The following KIF5C variants were observed in gnomAD, a reference collection of about 807,000 sequenced individuals.
KIF5C encodes the protein kinesin family member 5C, also known as kinesin heavy chain isoform 5C.
In KIF5C, 18 loss-of-function variants were observed where a neutral mutation model predicts 125.2. The observed-to-expected ratio is 0.14, with a 90% CI of 0.10 to 0.21. KIF5C has a LOEUF of 0.21. Ranked by LOEUF, KIF5C falls within the 10% of genes least tolerant of loss-of-function variation. The pLI is 1.00. For missense variants in KIF5C, 780 were observed against 1,183.8 expected, an observed-to-expected ratio of 0.66 and a Z score of 5.01; for synonymous variants, 405 against 434.0, an observed-to-expected ratio of 0.93 and a Z score of 0.83.
chr2:149,011,105 T>C (rs1303035005), intron 24 of KIF5C, among the ~76,000 whole-genome samples: 1 of 152,156 alleles, frequency 6.6e-6, no homozygotes, highest in African/African-American at 2.4e-5. Context: ...TTCACGTTTC[T>C]AGTTTTAAAT....
intron 16 of KIF5C, 123 bp downstream of exon 16, chr2:148,991,321 C>T: frequency 7.0e-7 from 1 of 1,426,986 alleles, no homozygotes; most frequent in Non-Finnish European, 9.2e-7. Flanking sequence ...GTAAGCTTGG[C>T]CTCCCCAGGT....
At chr2:148,948,010 G>A in intron 8 of KIF5C, 1 of 456,582 alleles carries the variant, frequency 2.2e-6, no homozygotes, top group South Asian at 1.5e-5. Context: ...TGTAAAACCT[G>A]AGCAGAAAGT....
intron 1 of KIF5C, among the ~76,000 whole-genome samples, chr2:148,907,657 G>A (rs1253727514): frequency 6.6e-6 from 1 of 152,226 alleles, no homozygotes; most frequent in Non-Finnish European, 1.5e-5. Flanking sequence ...TCCAGCCTGT[G>A]GGCATCAGGG....
rs149475724 is a variant in KIF5C, at chr2:149,010,580, C to T, written c.2767+229C>T. Among the ~76,000 whole-genome samples the T allele has an allele frequency of 7.9e-5, 12 of 152,368 alleles. No homozygotes were observed. In the East Asian group the frequency reaches 2.3e-3, roughly 29 times the overall value. On this transcript the variant is annotated intron_variant, in intron 24 of 25. Transcript: ENST00000435030. ...GATATTCCAGCATACATCGTGGTCTCAAAACTTCTGAGCTGGGCAGAGAGA... is the reference window on the plus strand; with the variant it reads ...GATATTCCAGCATACATCGTGGTCTTAAAACTTCTGAGCTGGGCAGAGAGA...
At position 148,998,524 on chromosome 2, in the gene KIF5C, G is replaced by T. The variant is rs1184070930; in HGVS notation, c.2210+15G>T. On this transcript the variant is annotated intron_variant, in intron 19 of 25. Coordinates refer to ENST00000435030, the MANE Select transcript of KIF5C (RefSeq NM_004522.3). ...GAGATTCGGGAGTGAGTCGGCCCAG[G>T]GCACCAGGGGTGTGGGGGTGGTCAT... 6.4e-7 allele frequency: 1 copy of T among 1,552,174 alleles called. No homozygotes were observed. The highest frequency in any genetic ancestry group is 2.0e-5 in the Admixed American group (1 of 51,040).
chr2:149,004,554 A>G (rs1366094219), intron 21 of KIF5C, among the ~76,000 whole-genome samples: 1 of 152,216 alleles, frequency 6.6e-6, no homozygotes, highest in Non-Finnish European at 1.5e-5. Flanking sequence ...GTAGAAAATA[A>G]TCCAAAATGA....
Position 148,949,906 on chromosome 2 carries a change from C to A in KIF5C, c.782C>A (p.Ala261Asp). Residue 261 changes from alanine (A) to aspartate (D), a missense_variant, in exon 9 of 26, where the codon GCT becomes GAT. By Grantham distance (126) the Ala-to-Asp change is moderately radical. Coordinates refer to ENST00000435030, the MANE Select transcript of KIF5C (RefSeq NM_004522.3). ...AAAAATATCAATAAGTCTTTGTCTG[C>A]TCTTGGAAATGTGATCTCTGCTTTG... ...EAKNINKSLS[A>D]LGNVISALAE... The A allele has an allele frequency of 6.2e-7, 1 of 1,613,814 alleles. No homozygotes were observed.
intron 2 of KIF5C, among the ~76,000 whole-genome samples, chr2:148,929,016 G>A (rs866696112): frequency 6.6e-6 from 1 of 152,144 alleles, no homozygotes; most frequent in Non-Finnish European, 1.5e-5. Context: ...TTTTCTGCTC[G>A]ATGTCTCTAT....
intron 4 of KIF5C, among the ~76,000 whole-genome samples, chr2:148,940,690 G>C (rs1305532362): frequency 6.6e-6 from 1 of 152,218 alleles, no homozygotes; most frequent in Non-Finnish European, 1.5e-5. Flanking sequence ...ACATAGGGCA[G>C]ATAAGTTTAT....
Position 148,994,547 on chromosome 2 carries a change from T to A in KIF5C, c.2023+9T>A, listed in dbSNP as rs1266964739. ...AAAGCTCCGAGCCCAGGGTAAATAT[T>A]TGACTAACGTGCAGGTGTCAAACAC... On this transcript the variant is annotated intron_variant, in intron 17 of 25. Transcript: ENST00000435030. The A allele has an allele frequency of 6.4e-7, 1 of 1,554,408 alleles. No individual in the cohort carries two copies. The highest frequency in any genetic ancestry group is 2.4e-5 in the East Asian group (1 of 41,118).
intron 1 of KIF5C, among the ~76,000 whole-genome samples, chr2:148,891,330 G>A (rs1681702592): frequency 6.6e-6 from 1 of 152,136 alleles, no homozygotes; most frequent in Admixed American, 6.5e-5. Context: ...GGATACTTAG[G>A]AGGACCATAT....
At chr2:149,011,176 A>C (rs1682183220) in intron 24 of KIF5C, among the ~76,000 whole-genome samples, 1 of 152,218 alleles carries the variant, frequency 6.6e-6, no homozygotes, top group Non-Finnish European at 1.5e-5. Context: ...AGAATCTATT[A>C]AAAGCTATGG....
rs1682583015 is a variant in KIF5C at position 149,023,061 on chromosome 2, T to C, written c.*8-17T>C. 6.6e-6 allele frequency: 1 copy of C among 152,224 alleles called. No individual in the cohort carries two copies. The highest frequency in any genetic ancestry group is 6.5e-5 in the Admixed American group (1 of 15,290). 9.4% of individuals were successfully genotyped at this position (152,224 alleles called of 1,614,324 possible). A position where few individuals can be genotyped will look rare whatever the true frequency, so the allele number is the denominator to read the frequency against. On this transcript the variant is annotated splice_polypyrimidine_tract_variant and intron_variant, in intron 25 of 25. Coordinates refer to ENST00000435030, the MANE Select transcript of KIF5C (RefSeq NM_004522.3). ...TTTTCTAATTCCTATGTTCTCTCTT[T>C]GGTTCTCTTTCAACAGATATGACTC... is the stretch of plus-strand genomic sequence containing the variant.
intron 1 of KIF5C, among the ~76,000 whole-genome samples, chr2:148,917,284 A>G (rs1247876525): frequency 6.6e-6 from 1 of 152,126 alleles, no homozygotes; most frequent in Non-Finnish European, 1.5e-5. Flanking sequence ...TTGTTACCTC[A>G]TAATCACTTT....
At chr2:149,010,375 C>T (rs750016506) in intron 24 of KIF5C, 24 bp downstream of exon 24, 15 of 1,520,142 alleles carry the variant, frequency 9.9e-6, no homozygotes, top group African/African-American at 2.8e-5. Context: ...CAGTGGCGCC[C>T]GGGGTTTGAG....
At chr2:148,897,390 T>A (rs1047717459) in intron 1 of KIF5C, among the ~76,000 whole-genome samples, 1 of 152,178 alleles carries the variant, frequency 6.6e-6, no homozygotes, top group African/African-American at 2.4e-5. Flanking sequence ...AAAAATTGAA[T>A]TTTCCCTAGC....
At chr2:148,948,675 G>T (rs1029684569) in intron 8 of KIF5C, among the ~76,000 whole-genome samples, 2 of 148,718 alleles carry the variant, frequency 1.3e-5, no homozygotes, top group Admixed American at 6.6e-5. Context: ...TTTAGTTCCC[G>T]TCTCCCCTGA....
At chr2:148,948,070 G>A (rs1339970168) in intron 8 of KIF5C, 12 of 452,838 alleles carry the variant, frequency 2.6e-5, no homozygotes, top group African/African-American at 4.0e-5. Context: ...GTATGGGGCC[G>A]GGTGCAGTGG....
chr2:148,959,947 C>T (rs575304311), intron 10 of KIF5C, among the ~76,000 whole-genome samples: 90 of 152,296 alleles, frequency 5.9e-4, no homozygotes, highest in African/African-American at 2.1e-3. Context: ...TCTCTGGCTC[C>T]CCTTCAGCTT....
Sources: gnomAD v4.1 joint callset for allele counts (sites outside exome capture counted in the v4.1 genomes callset) on GRCh38, gnomAD v4.1.1 for gene constraint, MANE v1.5 for transcripts, NCBI Gene and HGNC (gene_info 2026-07-23, HGNC 2026-07-21) for gene names.